SPATA17: variants seen among roughly 807,000 people sequenced by gnomAD.
The protein encoded by SPATA17 is spermatogenesis associated 17, also known as spermatogenesis-associated protein 17.
In SPATA17, 53 loss-of-function variants were observed where a neutral mutation model predicts 62.2. The ratio of observed to expected loss-of-function variants is 0.85; its 90% CI spans 0.68 to 1.07. SPATA17 has a LOEUF of 1.07. Ranked by LOEUF, SPATA17 falls within the 50% of genes least tolerant of loss-of-function variation. The pLI is 0.00. For synonymous variants in SPATA17, 146 were observed against 146.8 expected, an observed-to-expected ratio of 0.99 and a Z score of 0.04; for missense variants, 466 against 425.5, an observed-to-expected ratio of 1.10 and a Z score of -0.84.
At chr1:217,862,364 C>T (rs573354196) in intron 9 of SPATA17, among the ~76,000 whole-genome samples, 2 of 152,166 alleles carry the variant, frequency 1.3e-5, no homozygotes, top group South Asian at 2.1e-4. Context: ...ATAGTCTGCC[C>T]TCTATGATAG....
intron 2 of SPATA17, among the ~76,000 whole-genome samples, chr1:217,649,336 G>A (rs141178368): frequency 0.012 from 1,808 of 152,030 alleles, 38 homozygotes; most frequent in African/African-American, 0.042. Flanking sequence ...AAAATTAGCC[G>A]GGCATGGTGG....
At chr1:217,660,801 T>C (rs1051265593) in intron 3 of SPATA17, among the ~76,000 whole-genome samples, 3 of 152,222 alleles carry the variant, frequency 2.0e-5, no homozygotes, top group African/African-American at 7.2e-5. Flanking sequence ...ACTTTTGTTG[T>C]TTTGCAACCT....
chr1:217,750,312 G>A (rs965115595), intron 6 of SPATA17, among the ~76,000 whole-genome samples: 1 of 152,046 alleles, frequency 6.6e-6, no homozygotes, highest in African/African-American at 2.4e-5. Flanking sequence ...TCAGAGACCT[G>A]AGGCAATGCC....
intron 8 of SPATA17, among the ~76,000 whole-genome samples, chr1:217,792,679 C>G (rs1310896627): frequency 6.6e-6 from 1 of 152,006 alleles, no homozygotes. Context: ...AGGCTTGGAA[C>G]AAAATAGACA....
At chr1:217,840,441 T>C (rs1251790164) in intron 9 of SPATA17, among the ~76,000 whole-genome samples, 2 of 152,118 alleles carry the variant, frequency 1.3e-5, no homozygotes, top group Non-Finnish European at 2.9e-5. Flanking sequence ...TCTGTGTAGA[T>C]TAAAAGCTAA....
intron 3 of SPATA17, among the ~76,000 whole-genome samples, chr1:217,663,710 A>C (rs1387988390): frequency 1.3e-5 from 2 of 152,112 alleles, no homozygotes; most frequent in Non-Finnish European, 2.9e-5. Flanking sequence ...TTTTCAATCT[A>C]GCAAATGATG....
intron 5 of SPATA17, among the ~76,000 whole-genome samples, chr1:217,726,326 A>G (rs1473798678): frequency 6.6e-6 from 1 of 152,202 alleles, no homozygotes; most frequent in African/African-American, 2.4e-5. Flanking sequence ...CCTTATTCAA[A>G]AGCTCTCAAG....
chr1:217,796,736 C>G (rs767024548), intron 8 of SPATA17, among the ~76,000 whole-genome samples: 20 of 152,136 alleles, frequency 1.3e-4, no homozygotes, highest in Admixed American at 1.3e-4. Flanking sequence ...ATTAATATCT[C>G]TTCAACAAAA....
intron 9 of SPATA17, among the ~76,000 whole-genome samples, chr1:217,841,934 T>C: frequency 6.6e-6 from 1 of 151,764 alleles, no homozygotes; most frequent in East Asian, 1.9e-4. Context: ...CAATTATTTC[T>C]AATCTATTTT....
At chr1:217,758,528 A>G (rs1016407012) in intron 6 of SPATA17, among the ~76,000 whole-genome samples, 2 of 152,208 alleles carry the variant, frequency 1.3e-5, no homozygotes, top group African/African-American at 4.8e-5. Context: ...TACAAAGGTA[A>G]TAAAAGGTGG....
At chr1:217,650,997 T>C (rs1670300092) in intron 2 of SPATA17, 100 bp from the exon 3 acceptor site, 2 of 873,322 alleles carry the variant, frequency 2.3e-6, no homozygotes, top group South Asian at 1.6e-5. Context: ...AACTTGGCTT[T>C]GAATTTGAAT....
intron 9 of SPATA17, among the ~76,000 whole-genome samples, chr1:217,856,269 T>C (rs933020450): frequency 2.6e-5 from 4 of 152,352 alleles, no homozygotes; most frequent in African/African-American, 9.6e-5. Flanking sequence ...AAGTACTTGC[T>C]ATGTGCTGGA....
chr1:217,686,428 T>G (rs967011258), intron 5 of SPATA17, among the ~76,000 whole-genome samples: 4 of 152,150 alleles, frequency 2.6e-5, no homozygotes, highest in African/African-American at 9.6e-5. Flanking sequence ...TTTAGTTGTT[T>G]TAGTCCATTT....
At chr1:217,776,638 C>A (rs1266932619) in intron 7 of SPATA17, among the ~76,000 whole-genome samples, 1 of 139,366 alleles carries the variant, frequency 7.2e-6, no homozygotes, top group Admixed American at 7.4e-5. Flanking sequence ...CAGGAGTTCA[C>A]AACCAGCCTG....
chr1:217,669,181 G>T (rs903389215), intron 4 of SPATA17, 98 bp downstream of exon 4: 3 of 994,536 alleles, frequency 3.0e-6, no homozygotes, highest in Admixed American at 3.9e-5. Flanking sequence ...AAATTTGATT[G>T]ATATGCTAAT....
chr1:217,632,343 A>G (rs1284387947), intron 1 of SPATA17, among the ~76,000 whole-genome samples: 1 of 152,206 alleles, frequency 6.6e-6, no homozygotes, highest in Non-Finnish European at 1.5e-5. Flanking sequence ...TTGCCCAGGA[A>G]GAGTTTCATT....
chr1:217,743,611 T>C (rs1428291421), intron 6 of SPATA17, among the ~76,000 whole-genome samples: 2 of 152,100 alleles, frequency 1.3e-5, no homozygotes, highest in African/African-American at 4.8e-5. Flanking sequence ...TCATTCTTTT[T>C]TTTTTTAAGA....
At chr1:217,673,161 T>G (rs1343406735) in intron 4 of SPATA17, among the ~76,000 whole-genome samples, 3 of 152,154 alleles carry the variant, frequency 2.0e-5, no homozygotes, top group African/African-American at 7.2e-5. Context: ...AAACTGGATT[T>G]GGTAAGGTAA....
At chr1:217,851,497 A>T (rs1675664634) in intron 9 of SPATA17, among the ~76,000 whole-genome samples, 1 of 152,162 alleles carries the variant, frequency 6.6e-6, no homozygotes, top group Middle Eastern at 3.2e-3. Context: ...AAAACCTTGT[A>T]AGAAAAAACT....
Sources: gnomAD v4.1 joint callset for allele counts (sites outside exome capture counted in the v4.1 genomes callset) on GRCh38, gnomAD v4.1.1 for gene constraint, MANE v1.5 for transcripts, NCBI Gene and HGNC (gene_info 2026-07-23, HGNC 2026-07-21) for gene names.